KCNH5: variants seen among roughly 807,000 people sequenced by gnomAD.
KCNH5 encodes the protein voltage-gated delayed rectifier potassium channel KCNH5.
A neutral mutation model predicts 96.1 loss-of-function variants in KCNH5; 46 were observed. The observed-to-expected ratio is 0.48, with a 90% confidence interval of 0.38 to 0.61. The LOEUF (loss-of-function observed/expected upper bound fraction) is 0.61. KCNH5 is among the 20% of genes least tolerant of loss of function. The pLI is 0.00. For missense variants in KCNH5, 907 were observed against 1,225.8 expected (o/e 0.74, Z 3.88); for synonymous variants, 439 against 449.8 (o/e 0.98, Z 0.30).
At chr14:63,017,309 G>A (rs900990763) in intron 1 of KCNH5, among the ~76,000 whole-genome samples, 1 of 151,770 alleles carries the variant, frequency 6.6e-6, no homozygotes, top group Non-Finnish European at 1.5e-5. Flanking sequence ...TAAGATTAGG[G>A]CTATGGTCAC....
intron 7 of KCNH5, among the ~76,000 whole-genome samples, chr14:62,865,134 AT>A (rs1196655195): frequency 6.6e-6 from 1 of 152,186 alleles, no homozygotes; most frequent in Non-Finnish European, 1.5e-5. Flanking sequence ...CACCAAAAAA[AT>A]AACCTAGGTA....
At chr14:62,762,868 C>T (rs1488219897) in intron 10 of KCNH5, among the ~76,000 whole-genome samples, 1 of 152,116 alleles carries the variant, frequency 6.6e-6, no homozygotes, top group Non-Finnish European at 1.5e-5. Flanking sequence ...ACATACCCAA[C>T]ACTAAAGCAC....
chr14:62,709,466 C>A (rs1300492647), intron 10 of KCNH5, among the ~76,000 whole-genome samples: 1 of 152,070 alleles, frequency 6.6e-6, no homozygotes, highest in Admixed American at 6.5e-5. Context: ...GCAAACTGCT[C>A]TCTATTGAAT....
intron 10 of KCNH5, among the ~76,000 whole-genome samples, chr14:62,751,775 G>C (rs1241708376): frequency 6.6e-6 from 1 of 152,160 alleles, no homozygotes; most frequent in Non-Finnish European, 1.5e-5. Context: ...CCTCTGCTTT[G>C]TCCCTGTTAT....
At chr14:62,956,157 C>T (rs1281514941) in intron 6 of KCNH5, among the ~76,000 whole-genome samples, 1 of 152,178 alleles carries the variant, frequency 6.6e-6, no homozygotes, top group Non-Finnish European at 1.5e-5. Flanking sequence ...GCTGCCAGGT[C>T]ATTTCCCTCT....
intron 7 of KCNH5, among the ~76,000 whole-genome samples, chr14:62,933,637 C>T (rs1889622838): frequency 6.6e-6 from 1 of 151,814 alleles, no homozygotes; most frequent in Admixed American, 6.6e-5. Context: ...AAGATAAATG[C>T]CACCAAAAAA....
intron 10 of KCNH5, among the ~76,000 whole-genome samples, chr14:62,772,980 T>A (rs1886022430): frequency 6.6e-6 from 1 of 152,220 alleles, no homozygotes; most frequent in South Asian, 2.1e-4. Context: ...ATTAGTTTTA[T>A]CCTGAACCAC....
chr14:62,738,780 T>A (rs1254536177), intron 10 of KCNH5, among the ~76,000 whole-genome samples: 1 of 152,152 alleles, frequency 6.6e-6, no homozygotes, highest in Admixed American at 6.6e-5. Context: ...CTCTTGTTTA[T>A]AGCAGTTCGC....
chr14:62,971,841 C>T (rs1362177705), intron 6 of KCNH5, among the ~76,000 whole-genome samples: 1 of 151,886 alleles, frequency 6.6e-6, no homozygotes, highest in Non-Finnish European at 1.5e-5. Context: ...ACCCTACACC[C>T]TTCACAAAAT....
chr14:62,926,106 G>A (rs993309395), intron 7 of KCNH5, among the ~76,000 whole-genome samples: 8 of 152,102 alleles, frequency 5.3e-5, no homozygotes, highest in Admixed American at 5.2e-4. Context: ...AATATTGCAA[G>A]TGGATGGTAT....
At chr14:62,843,053 T>C (rs1272257875) in intron 8 of KCNH5, among the ~76,000 whole-genome samples, 2 of 152,160 alleles carry the variant, frequency 1.3e-5, no homozygotes, top group South Asian at 2.1e-4. Flanking sequence ...AAACAGATCA[T>C]TCCATTTTTA....
At chr14:62,837,006 A>C (rs1237413480) in intron 8 of KCNH5, among the ~76,000 whole-genome samples, 1 of 152,176 alleles carries the variant, frequency 6.6e-6, no homozygotes, top group Non-Finnish European at 1.5e-5. Context: ...TTATTGTTTA[A>C]ATGGAGACTA....
At chr14:62,740,582 A>G (rs1885251614) in intron 10 of KCNH5, among the ~76,000 whole-genome samples, 1 of 152,200 alleles carries the variant, frequency 6.6e-6, no homozygotes, top group Admixed American at 6.6e-5. Context: ...TTTAAGAGAC[A>G]TAAGCCCAAA....
At position 62,978,729 on chromosome 14, in the gene KCNH5, GTAT is replaced by G. The variant is rs567853989; in HGVS notation, c.942+2140_942+2142del. ...ATAAAAGTATTACATAGTTATAAAT[GTAT>G]TATTAAACAATATATTTACTGTAAT... On this transcript the variant is annotated intron_variant, in intron 6 of 10. Coordinates refer to ENST00000322893, the MANE Select transcript of KCNH5 (RefSeq NM_139318.5). Among the ~76,000 whole-genome samples, 392 of 151,860 alleles carry G rather than the reference GTAT, an allele frequency of 2.6e-3. 7 individuals are homozygous for G. The highest frequency in any genetic ancestry group is 0.012 in the East Asian group (60 of 5,174).
intron 8 of KCNH5, among the ~76,000 whole-genome samples, chr14:62,818,112 G>T (rs573248109): frequency 7.7e-5 from 10 of 129,962 alleles, no homozygotes; most frequent in South Asian, 7.0e-4. Flanking sequence ...CTGGGGGCGG[G>T]GGGGGGGTGG....
At chr14:62,759,573 A>ATATATATATATATTTTTTTTTTTT (rs1171935428) in intron 10 of KCNH5, among the ~76,000 whole-genome samples, 2 of 151,086 alleles carry the variant, frequency 1.3e-5, no homozygotes, top group Non-Finnish European at 3.0e-5. Flanking sequence ...CGTAGGGTAT[A>ATATATATATATATTTTTTTTTTTT]TTTTTTAATA....
chr14:62,972,537 C>T (rs1890428706), intron 6 of KCNH5, among the ~76,000 whole-genome samples: 1 of 152,186 alleles, frequency 6.6e-6, no homozygotes, highest in African/African-American at 2.4e-5. Context: ...CTTATGTCCA[C>T]ATATAAACCT....
intron 6 of KCNH5, among the ~76,000 whole-genome samples, chr14:62,978,320 C>A (rs1227111535): frequency 1.3e-5 from 2 of 152,150 alleles, no homozygotes; most frequent in East Asian, 3.9e-4. Context: ...TGCCGCTGAC[C>A]GTACTCCACA....
intron 4 of KCNH5, among the ~76,000 whole-genome samples, chr14:62,994,049 A>C (rs550939444): frequency 1.3e-5 from 2 of 152,234 alleles, no homozygotes; most frequent in South Asian, 4.1e-4. Context: ...CTAATCTTAA[A>C]AATAAAAAGA....
Sources: gnomAD v4.1 joint callset for allele counts (sites outside exome capture counted in the v4.1 genomes callset) on GRCh38, gnomAD v4.1.1 for gene constraint, MANE v1.5 for transcripts, NCBI Gene and HGNC (gene_info 2026-07-23, HGNC 2026-07-21) for gene names.